Variants in SORCS3 observed in about 807,000 individuals in gnomAD.
SORCS3 encodes sortilin related VPS10 domain containing receptor 3, also known as VPS10 domain-containing receptor SorCS3.
In SORCS3, 57 loss-of-function variants were observed where a neutral mutation model predicts 146.3. That is an observed-to-expected ratio of 0.39 (90% CI 0.31 to 0.49). The LOEUF (loss-of-function observed/expected upper bound fraction) is 0.49, where lower values mean the gene tolerates loss of function less well. Ranked by LOEUF, SORCS3 falls within the 20% of genes least tolerant of loss-of-function variation. The pLI is 0.92. For synonymous variants in SORCS3, 653 were observed against 618.5 expected, an observed-to-expected ratio of 1.06 and a Z score of -0.83; for missense variants, 1,341 against 1,575.5, an observed-to-expected ratio of 0.85 and a Z score of 2.52.
chr10:104,973,208 A>C (rs1564725690), intron 3 of SORCS3, among the ~76,000 whole-genome samples: 2 of 152,180 alleles, frequency 1.3e-5, no homozygotes, highest in Non-Finnish European at 2.9e-5. Flanking sequence ...TGCTGGCCTC[A>C]TAAAATGAGT....
At chr10:104,702,591 TAC>T (rs755947601) in intron 1 of SORCS3, among the ~76,000 whole-genome samples, 19 of 152,202 alleles carry the variant, frequency 1.2e-4, no homozygotes, top group Non-Finnish European at 2.2e-4. Context: ...CCTGGCAGGA[TAC>T]AGTTTTTAAG....
intron 1 of SORCS3, among the ~76,000 whole-genome samples, chr10:104,793,282 C>A (rs374450564): frequency 2.0e-5 from 3 of 152,042 alleles, no homozygotes; most frequent in African/African-American, 2.4e-5. Flanking sequence ...AGCCAGTAAC[C>A]CGTGAACCTA....
At chr10:104,919,161 T>A (rs931682435) in intron 3 of SORCS3, among the ~76,000 whole-genome samples, 1 of 152,146 alleles carries the variant, frequency 6.6e-6, no homozygotes, top group Non-Finnish European at 1.5e-5. Flanking sequence ...ATGGTGACAT[T>A]CAGGCAGTGG....
intron 13 of SORCS3, among the ~76,000 whole-genome samples, chr10:105,168,243 C>G (rs967155751): frequency 3.9e-5 from 6 of 152,172 alleles, no homozygotes; most frequent in African/African-American, 1.4e-4. Flanking sequence ...TAGATTATTC[C>G]TTTCAAAGAG....
At chr10:104,948,430 A>G (rs1200404388) in intron 3 of SORCS3, among the ~76,000 whole-genome samples, 1 of 152,248 alleles carries the variant, frequency 6.6e-6, no homozygotes, top group Non-Finnish European at 1.5e-5. Context: ...AAGGACTCTC[A>G]GTGTGGAGGT....
intron 13 of SORCS3, among the ~76,000 whole-genome samples, chr10:105,176,222 A>C (rs557458235): frequency 6.6e-6 from 1 of 152,230 alleles, no homozygotes; most frequent in African/African-American, 2.4e-5. Flanking sequence ...TAGAAGAATT[A>C]ACGGTATGGT....
At chr10:104,845,340 G>C (rs1254817799) in intron 2 of SORCS3, among the ~76,000 whole-genome samples, 1 of 152,142 alleles carries the variant, frequency 6.6e-6, no homozygotes, top group Non-Finnish European at 1.5e-5. Flanking sequence ...ATTCAGTGCT[G>C]TATTCTCAGC....
At chr10:105,149,207 A>G (rs896481887) in intron 9 of SORCS3, among the ~76,000 whole-genome samples, 1 of 152,188 alleles carries the variant, frequency 6.6e-6, no homozygotes, top group Non-Finnish European at 1.5e-5. Context: ...TAATACACTG[A>G]GAGTGGCAGA....
chr10:104,710,193 CAG>C (rs1271681860), intron 1 of SORCS3, among the ~76,000 whole-genome samples: 4 of 152,134 alleles, frequency 2.6e-5, no homozygotes, highest in Non-Finnish European at 5.9e-5. Context: ...TCAGAAAAAA[CAG>C]AGCTGAGACC....
At chr10:105,224,487 C>G (rs1589696573) in intron 20 of SORCS3, among the ~76,000 whole-genome samples, 2 of 152,268 alleles carry the variant, frequency 1.3e-5, no homozygotes, top group South Asian at 4.1e-4. Flanking sequence ...TCCATTCACT[C>G]ATTGAAGAGC....
chr10:104,846,763 T>A (rs1478805502), intron 2 of SORCS3, among the ~76,000 whole-genome samples: 2 of 152,146 alleles, frequency 1.3e-5, no homozygotes, highest in Admixed American at 6.5e-5. Context: ...AGCACAACCA[T>A]CTGTTGGTAT....
At chr10:104,691,854 C>T (rs2016117024) in intron 1 of SORCS3, among the ~76,000 whole-genome samples, 1 of 152,152 alleles carries the variant, frequency 6.6e-6, no homozygotes, top group African/African-American at 2.4e-5. Context: ...GATCCTCCCA[C>T]CTCAGCCTCC....
At position 104,641,910 on chromosome 10, in the gene SORCS3, G is replaced by A. The variant is rs1311619250; in HGVS notation, c.583G>A (p.Ala195Thr). The A allele has an allele frequency of 6.6e-7, 1 of 1,511,804 alleles. No individual in the cohort carries two copies. The highest frequency in any genetic ancestry group is 1.4e-5 in the African/African-American group (1 of 70,462). 93.6% of individuals were successfully genotyped at this position (1,511,804 alleles called of 1,614,324 possible). ...STSFALTGDS[A>T]HNQAMVHWSG... The stretch of plus-strand genomic sequence containing the variant: ...CTCCTTCGCGCTGACCGGGGACTCG[G>A]CCCACAACCAAGCCATGGTGCACTG... Residue 195 changes from alanine (A) to threonine (T), a missense_variant, in exon 1 of 27, where the codon GCC becomes ACC. Ala to Thr is a moderately conservative substitution (Grantham distance 58). Transcript: ENST00000369701. The surrounding 1 kb of genome is among the most constrained non-coding windows in gnomAD (Gnocchi z 6.4).
intron 4 of SORCS3, among the ~76,000 whole-genome samples, chr10:105,021,170 AC>A (rs2055195345): frequency 6.6e-6 from 1 of 152,134 alleles, no homozygotes; most frequent in African/African-American, 2.4e-5. Context: ...TTTATTATAA[AC>A]AAATTTATTG....
chr10:104,770,246 C>T (rs144107325), intron 1 of SORCS3, among the ~76,000 whole-genome samples: 182 of 152,230 alleles, frequency 1.2e-3, no homozygotes, highest in Non-Finnish European at 2.0e-3. Context: ...TGCAGGTTCA[C>T]AAAGTGCAGG....
intron 2 of SORCS3, among the ~76,000 whole-genome samples, chr10:104,900,620 G>C (rs1280490587): frequency 6.6e-6 from 1 of 152,072 alleles, no homozygotes; most frequent in Non-Finnish European, 1.5e-5. Context: ...GCCTGGTGCG[G>C]ACGCTCACGC....
intron 21 of SORCS3, among the ~76,000 whole-genome samples, chr10:105,246,839 A>C (rs1260251935): frequency 6.6e-6 from 1 of 152,214 alleles, no homozygotes; most frequent in African/African-American, 2.4e-5. Context: ...GGATTAAAGA[A>C]GGAGAAGTGA....
intron 1 of SORCS3, among the ~76,000 whole-genome samples, chr10:104,830,869 T>C (rs1399216138): frequency 6.6e-6 from 1 of 152,186 alleles, no homozygotes; most frequent in African/African-American, 2.4e-5. Context: ...TGGAGTGCAG[T>C]GGTGCGAATG....
intron 19 of SORCS3, 80 bp from the exon 20 acceptor site, chr10:105,223,036 A>G: frequency 7.1e-7 from 1 of 1,403,522 alleles, no homozygotes; most frequent in Non-Finnish European, 9.6e-7. Context: ...AATAGAATTT[A>G]AGGTTAAGAA....
Sources: gnomAD v4.1 joint callset for allele counts (sites outside exome capture counted in the v4.1 genomes callset) on GRCh38, gnomAD v4.1.1 for gene constraint, Gnocchi (gnomAD v3.1) non-coding constraint, MANE v1.5 for transcripts, NCBI Gene and HGNC (gene_info 2026-07-23, HGNC 2026-07-21) for gene names.